Variants in NLK observed in about 807,000 individuals in gnomAD.
The protein encoded by NLK is serine/threonine-protein kinase NLK.
NLK carries 11 observed loss-of-function variants against 59.0 expected under a neutral mutation model. The observed-to-expected ratio is 0.19, with a 90% CI of 0.12 to 0.31. The LOEUF is 0.31. Ranked by LOEUF, NLK falls within the 10% of genes least tolerant of loss-of-function variation. The pLI, the probability that NLK is intolerant of heterozygous loss-of-function variation, is 1.00. For missense variants in NLK, 410 were observed against 661.1 expected, an observed-to-expected ratio of 0.62 and a Z score of 4.16; for synonymous variants, 235 against 235.9, an observed-to-expected ratio of 1.00 and a Z score of 0.03.
At chr17:28,067,918 A>G (rs1230329749) in intron 1 of NLK, among the ~76,000 whole-genome samples, 1 of 151,792 alleles carries the variant, frequency 6.6e-6, no homozygotes, top group Admixed American at 6.6e-5. Flanking sequence ...TGGCAGGTGA[A>G]TCACCTGAGG....
At chr17:28,099,046 T>A (rs906509254) in intron 1 of NLK, among the ~76,000 whole-genome samples, 1 of 152,114 alleles carries the variant, frequency 6.6e-6, no homozygotes, top group African/African-American at 2.4e-5. Flanking sequence ...TTTCCAGAAG[T>A]AGAATTTTGG....
At chr17:28,063,323 A>G (rs777402079) in intron 1 of NLK, among the ~76,000 whole-genome samples, 2 of 152,212 alleles carry the variant, frequency 1.3e-5, no homozygotes, top group African/African-American at 2.4e-5. Context: ...AACCTCAAAT[A>G]AACACTGTTG....
intron 1 of NLK, among the ~76,000 whole-genome samples, chr17:28,074,393 G>A (rs1023871374): frequency 1.3e-5 from 2 of 152,012 alleles, no homozygotes; most frequent in Admixed American, 6.6e-5. Context: ...TTTTGCCTTT[G>A]GGTTACTATT....
At chr17:28,204,467 CAT>C in the NLK span, among the ~76,000 whole-genome samples, 1 of 152,206 alleles carries the variant, frequency 6.6e-6, no homozygotes, top group Admixed American at 6.5e-5. Context: ...GTCTTCAAGA[CAT>C]GTGCATGTGT....
intron 1 of NLK, among the ~76,000 whole-genome samples, chr17:28,062,741 C>T (rs1425913080): frequency 6.6e-6 from 1 of 152,008 alleles, no homozygotes; most frequent in African/African-American, 2.4e-5. Context: ...CCACCACATC[C>T]GGCTAATTTT....
intron 1 of NLK, among the ~76,000 whole-genome samples, chr17:28,108,294 T>C (rs1367018474): frequency 1.3e-5 from 2 of 152,178 alleles, no homozygotes; most frequent in African/African-American, 4.8e-5. Context: ...TTTTCATATA[T>C]ATTTGTAACT....
intron 3 of NLK, among the ~76,000 whole-genome samples, chr17:28,148,555 A>AT (rs1907351137): frequency 6.6e-6 from 1 of 152,082 alleles, no homozygotes; most frequent in South Asian, 2.1e-4. Flanking sequence ...TTGCCTCTTG[A>AT]TTTTTTTAAC....
At chr17:28,043,662 C>A (rs1004790267) in intron 1 of NLK, among the ~76,000 whole-genome samples, 1 of 152,224 alleles carries the variant, frequency 6.6e-6, no homozygotes, top group African/African-American at 2.4e-5. Flanking sequence ...CCTTGGTCAT[C>A]TCGTGTGTTT....
At chr17:28,120,263 T>C (rs1336069545) in intron 1 of NLK, among the ~76,000 whole-genome samples, 1 of 151,282 alleles carries the variant, frequency 6.6e-6, no homozygotes, top group Non-Finnish European at 1.5e-5. Context: ...TGTGTGTGTG[T>C]GTGTGTGTGT....
At chr17:28,140,983 C>T (rs1340516332) in intron 3 of NLK, among the ~76,000 whole-genome samples, 1 of 152,146 alleles carries the variant, frequency 6.6e-6, no homozygotes, top group Non-Finnish European at 1.5e-5. Context: ...ATGTCTAATT[C>T]CTGTTCATGG....
At chr17:28,078,036 TAAA>T (rs543734520) in intron 1 of NLK, among the ~76,000 whole-genome samples, 1 of 148,234 alleles carries the variant, frequency 6.7e-6, no homozygotes, top group Admixed American at 6.7e-5. Context: ...AAAGAATTCA[TAAA>T]AAAAAAAGTG....
intron 1 of NLK, among the ~76,000 whole-genome samples, chr17:28,065,860 G>T (rs1269444328): frequency 6.6e-6 from 1 of 152,134 alleles, no homozygotes; most frequent in Non-Finnish European, 1.5e-5. Flanking sequence ...CTTGTCTCAA[G>T]TCAGCTCATT....
chr17:28,194,047 T>TA (rs1243282516), intron 10 of NLK, among the ~76,000 whole-genome samples: 1 of 152,220 alleles, frequency 6.6e-6, no homozygotes, highest in Non-Finnish European at 1.5e-5. Flanking sequence ...AATGATTACC[T>TA]ATACTTCTCC....
intron 1 of NLK, among the ~76,000 whole-genome samples, chr17:28,112,157 C>G (rs1905552212): frequency 6.6e-6 from 1 of 151,964 alleles, no homozygotes; most frequent in African/African-American, 2.4e-5. Flanking sequence ...TCTCTCATTT[C>G]CAGAATCTCC....
chr17:28,104,095 T>C (rs561422930), intron 1 of NLK, among the ~76,000 whole-genome samples: 3 of 152,330 alleles, frequency 2.0e-5, no homozygotes, highest in African/African-American at 7.2e-5. Flanking sequence ...AGTAGAAGTA[T>C]GTAAAATGTT....
chr17:28,078,309 C>T (rs1910235527), intron 1 of NLK, among the ~76,000 whole-genome samples: 1 of 151,872 alleles, frequency 6.6e-6, no homozygotes. Flanking sequence ...CTATAAACCT[C>T]TTTTGATTAT....
At chr17:28,108,753 T>C (rs997501674) in intron 1 of NLK, among the ~76,000 whole-genome samples, 3 of 152,236 alleles carry the variant, frequency 2.0e-5, no homozygotes, top group Non-Finnish European at 4.4e-5. Flanking sequence ...ACATGCTTAC[T>C]ATATTAATTA....
intron 3 of NLK, among the ~76,000 whole-genome samples, chr17:28,154,877 C>T (rs1907636356): frequency 6.6e-6 from 1 of 151,946 alleles, no homozygotes; most frequent in African/African-American, 2.4e-5. Flanking sequence ...ACTAACAATA[C>T]AAAAATTAGT....
chr17:28,115,469 G>A (rs547822984), intron 1 of NLK, among the ~76,000 whole-genome samples: 161 of 152,258 alleles, frequency 1.1e-3, no homozygotes, highest in South Asian at 1.7e-3. Flanking sequence ...TCATATAGGC[G>A]ACAGTCTCTT....
Sources: allele counts gnomAD v4.1 joint callset (sites outside exome capture counted in the v4.1 genomes callset), GRCh38; gene constraint gnomAD v4.1.1; transcripts MANE v1.5; gene names NCBI Gene and HGNC (gene_info 2026-07-23, HGNC 2026-07-21).